KLK6: variants seen among roughly 807,000 people sequenced by gnomAD.
The protein encoded by KLK6 is kallikrein related peptidase 6.
KLK6 carries 16 observed loss-of-function variants against 21.7 expected under a neutral mutation model. That is an observed-to-expected ratio of 0.74 (90% confidence interval 0.50 to 1.12). The LOEUF is 1.12. Among genes scored for constraint, KLK6 ranks in the 50% most tolerant of loss-of-function variants. KLK6 has a pLI of 0.00. For synonymous variants in KLK6, 116 were observed against 120.1 expected, an observed-to-expected ratio of 0.97 and a Z score of 0.22; for missense variants, 276 against 304.6, an observed-to-expected ratio of 0.91 and a Z score of 0.70.
chr19:50,967,575 C>A (rs983460480), intron 3 of KLK6, among the ~76,000 whole-genome samples: 3 of 143,884 alleles, frequency 2.1e-5, no homozygotes. Flanking sequence ...TGGTGGCATA[C>A]GCCTGTAGTC....
At chr19:50,961,659 T>G (rs1392395352) in intron 6 of KLK6, 85 bp downstream of exon 6, 1 of 1,521,514 alleles carries the variant, frequency 6.6e-7, no homozygotes, top group Non-Finnish European at 8.9e-7. Flanking sequence ...TTTTGGCCTG[T>G]GTCTCTCTCT....
At chr19:50,964,779 C>G (rs866653089) in intron 4 of KLK6, among the ~76,000 whole-genome samples, 1 of 152,220 alleles carries the variant, frequency 6.6e-6, no homozygotes. Context: ...AAGAATAAAG[C>G]CTGGGCTCCT....
At chr19:50,962,372 CA>C (rs1439959626) in intron 5 of KLK6, 1 of 154,190 alleles carries the variant, frequency 6.5e-6, no homozygotes, top group Non-Finnish European at 1.4e-5. Flanking sequence ...TGCCCTCTCC[CA>C]TTGGTTCTTC....
chr19:50,967,925 C>A, intron 3 of KLK6, 140 bp downstream of exon 3: 1 of 723,520 alleles, frequency 1.4e-6, no homozygotes, highest in Non-Finnish European at 2.5e-6. Flanking sequence ...CACCCTTAGC[C>A]TAATCCCCAA....
rs371363304 is a variant in KLK6, at chr19:50,963,378, C to T, written c.369G>A (p.Gln123=). 1.9e-6 allele frequency: 3 copies of T among 1,614,202 alleles called. No homozygotes were observed. In the African/African-American group the frequency reaches 4.0e-5, roughly 22 times the overall value. ...AGCAGTCCCTCTCCAGGGGAAGGGG[C>T]TGGATGAGTTCAGAGAGTTTGGCTG... The part of the protein sequence containing the change: ...ARPAKLSELI[Q]PLPLERDCSA... The change falls in exon 5 of 7, where the codon CAG becomes CAA. Residue 123 remains glutamine, a synonymous_variant. Transcript: ENST00000310157.
At chr19:50,967,999 C>A in intron 3 of KLK6, 66 bp downstream of exon 3, 1 of 1,434,972 alleles carries the variant, frequency 7.0e-7, no homozygotes, top group Non-Finnish European at 9.8e-7. Flanking sequence ...CCAATACCAG[C>A]CTCTTCTCCA....
rs1287667844 is a variant in KLK6, at chr19:50,963,438, A to G, written c.309T>C (p.His103=). 2.4e-5 allele frequency: 39 copies of G among 1,614,076 alleles called. No homozygotes were observed. Among genetic ancestry groups the G allele is most frequent in the Non-Finnish European group, 3.2e-5 (38 of 1,180,040 alleles). ...VIHPDYDAAS[H]DQDIMLLRLA... ...GGCGCAACAGCATGATGTCCTGGTCATGGCTGGCGGCATCATAGTCAGGGT... is the reference window on the plus strand; with the variant it reads ...GGCGCAACAGCATGATGTCCTGGTCGTGGCTGGCGGCATCATAGTCAGGGT... Residue 103 remains histidine, a synonymous_variant, in exon 5 of 7, where the codon CAT becomes CAC. Coordinates refer to ENST00000310157, the MANE Select transcript of KLK6 (RefSeq NM_002774.4).
Position 50,959,195 on chromosome 19 carries a change from T to A in KLK6, c.704A>T (p.Asn235Ile). Residue 235 changes from asparagine to isoleucine, a missense_variant, in exon 7 of 7, where the codon AAC becomes ATC. Transcript: ENST00000310157. ...GGCCTGAATGGTTTTTTGGATCCAG[T>A]TCGTGTATCTGCAGACGTTGGTGTA... ...GVYTNVCRYT[N>I]WIQKTIQAK 6.2e-7 allele frequency: 1 copy of A among 1,614,090 alleles called. No homozygotes were observed. Among genetic ancestry groups the A allele is most frequent in the Non-Finnish European group, 8.5e-7 (1 of 1,179,998 alleles).
At chr19:50,965,762 C>CA (rs2090917474) in intron 4 of KLK6, among the ~76,000 whole-genome samples, 1 of 152,226 alleles carries the variant, frequency 6.6e-6, no homozygotes, top group Non-Finnish European at 1.5e-5. Context: ...TCCTTGGGGT[C>CA]AGGGGAACCA....
Position 50,958,905 on chromosome 19 carries a change from T to A in KLK6, c.*259A>T. ...GGAAGGGTTGGGGAGAGGAGATGCCTAGAAGGGATTTTCCTGTATTCTCTT... is the reference window on the plus strand; with the variant it reads ...GGAAGGGTTGGGGAGAGGAGATGCCAAGAAGGGATTTTCCTGTATTCTCTT... On this transcript the variant is annotated 3_prime_UTR_variant, in exon 7 of 7. Transcript: ENST00000310157. 8.2e-6 allele frequency: 4 copies of A among 489,080 alleles called. No individual in the cohort carries two copies. The allele number at this position is 489,080 out of a possible 1,614,324, so 30.3% of individuals were successfully genotyped here. A position where few individuals can be genotyped will look rare whatever the true frequency, so the allele number is the denominator to read the frequency against.
chr19:50,959,859 GGAA>G (rs1480969310), intron 6 of KLK6, among the ~76,000 whole-genome samples: 1 of 30,784 alleles, frequency 3.2e-5, no homozygotes, highest in Non-Finnish European at 6.4e-5. Flanking sequence ...AAGAGGAGGA[GGAA>G]GAGGAGGAGG....
At chr19:50,966,148 A>C (rs2090922433) in intron 4 of KLK6, among the ~76,000 whole-genome samples, 1 of 151,874 alleles carries the variant, frequency 6.6e-6, no homozygotes, top group South Asian at 2.1e-4. Flanking sequence ...GGCATCTCCA[A>C]CTCATCGTGG....
In KLK6 at chr19:50,963,362, TCTC is replaced by T. The variant is rs2090875281; in HGVS notation, c.382_384del (p.Glu128del). The T allele has an allele frequency of 1.2e-6, 2 of 1,614,016 alleles. No homozygotes were observed. Among genetic ancestry groups the T allele is most frequent in the Non-Finnish European group, 1.7e-6 (2 of 1,180,030 alleles). On this transcript the variant is annotated inframe_deletion, in exon 5 of 7. Coordinates refer to ENST00000310157, the MANE Select transcript of KLK6 (RefSeq NM_002774.4). ...CTGGTGGTGTTGGCTGAGCAGTCCC[TCTC>T]CAGGGGAAGGGGCTGGATGAGTTCA...
Position 50,965,387 on chromosome 19 carries a change from C to T in KLK6, c.197+1782G>A, listed in dbSNP as rs139532954. ...GCAACCTCCGCCTCCCACGTTCAAG[C>T]AATTCTCCTGCCTTAGCCTCCCAAG... On this transcript the variant is annotated intron_variant, in intron 4 of 6. Transcript: ENST00000310157. Among the ~76,000 whole-genome samples the T allele has an allele frequency of 1.6e-4, 25 of 152,192 alleles. No individual in the cohort carries two copies. In the East Asian group the frequency reaches 4.4e-3, roughly 27 times the overall value.
At chr19:50,965,303 T>C (rs544612978) in intron 4 of KLK6, among the ~76,000 whole-genome samples, 50 of 148,212 alleles carry the variant, frequency 3.4e-4, no homozygotes, top group Admixed American at 2.4e-3. Flanking sequence ...TTTTTTTTTT[T>C]AGACAGAGTC....
Position 50,959,271 on chromosome 19 carries a change from G to C in KLK6, c.628C>G (p.Leu210Val). 6.2e-7 allele frequency: 1 copy of C among 1,613,896 alleles called. No homozygotes were observed. Among genetic ancestry groups the C allele is most frequent in the Non-Finnish European group, 8.5e-7 (1 of 1,179,974 alleles). ...PLVCGDHLRG[L>V]VSWGNIPCGS... ...CAGGGGATGTTACCCCATGACACAA[G>C]GCCTCGGAGGTGGTCTCCACATACC... is the stretch of plus-strand genomic sequence containing the variant. The change falls in exon 7 of 7, where the codon CTT (leucine) becomes GTT (valine). Residue 210 changes from leucine to valine, a missense_variant. Physicochemically the swap from Leu to Val is conservative, Grantham distance 32. Coordinates refer to ENST00000310157, the MANE Select transcript of KLK6 (RefSeq NM_002774.4).
chr19:50,966,952 T>C (rs1320163813), intron 4 of KLK6, among the ~76,000 whole-genome samples: 1 of 151,872 alleles, frequency 6.6e-6, no homozygotes. Context: ...TTTTGCTTGT[T>C]TTTTTTTGTT....
chr19:50,961,953 C>A (rs772333292), intron 5 of KLK6, 73 bp from the exon 6 acceptor site: 8 of 1,488,254 alleles, frequency 5.4e-6, no homozygotes, highest in Admixed American at 2.0e-5. Flanking sequence ...CACCCCCCAA[C>A]CCCTATAAGT....
At chr19:50,967,694 G>C (rs2090949380) in intron 3 of KLK6, among the ~76,000 whole-genome samples, 1 of 110,140 alleles carries the variant, frequency 9.1e-6, no homozygotes, top group African/African-American at 3.1e-5. Context: ...GACAGAGTGA[G>C]ACCCTGTCTC....
Sources: allele counts gnomAD v4.1 joint callset (sites outside exome capture counted in the v4.1 genomes callset), GRCh38; gene constraint gnomAD v4.1.1; transcripts MANE v1.5; gene names NCBI Gene and HGNC (gene_info 2026-07-23, HGNC 2026-07-21).